SCFD2: variants seen among roughly 807,000 people sequenced by gnomAD.
The protein encoded by SCFD2 is sec1 family domain containing 2.
A neutral mutation model predicts 58.9 loss-of-function variants in SCFD2; 54 were observed. The observed-to-expected ratio is 0.92, with a 90% CI of 0.74 to 1.15. The LOEUF (loss-of-function observed/expected upper bound fraction) is 1.15. SCFD2 is among the 50% of genes most tolerant of loss of function. SCFD2 has a pLI of 0.00. For missense variants in SCFD2, 805 were observed against 836.6 expected (o/e 0.96, Z 0.47); for synonymous variants, 321 against 335.9 (o/e 0.96, Z 0.49).
At chr4:53,268,261 A>G (rs190041621) in intron 4 of SCFD2, among the ~76,000 whole-genome samples, 84 of 152,222 alleles carry the variant, frequency 5.5e-4, no homozygotes, top group Non-Finnish European at 1.0e-3. Context: ...TGGAAAGGGC[A>G]TCCACGTGGA....
intron 4 of SCFD2, among the ~76,000 whole-genome samples, chr4:53,179,152 C>G (rs1455469260): frequency 6.6e-6 from 1 of 152,086 alleles, no homozygotes; most frequent in Admixed American, 6.5e-5. Context: ...ACAGAAAACA[C>G]CACAAAGATA....
At chr4:53,095,406 A>G (rs1560332962) in intron 5 of SCFD2, among the ~76,000 whole-genome samples, 1 of 51,092 alleles carries the variant, frequency 2.0e-5, no homozygotes, top group Non-Finnish European at 7.1e-5. Context: ...CTAAGGCATA[A>G]TCTGCTATAT....
intron 4 of SCFD2, among the ~76,000 whole-genome samples, chr4:53,200,807 C>T (rs1238447877): frequency 6.6e-6 from 1 of 152,074 alleles, no homozygotes; most frequent in Non-Finnish European, 1.5e-5. Context: ...AAGACTCAAC[C>T]TCATGACACA....
chr4:53,015,680 C>A (rs1056930059), intron 5 of SCFD2, among the ~76,000 whole-genome samples: 4 of 152,090 alleles, frequency 2.6e-5, no homozygotes, highest in African/African-American at 9.7e-5. Context: ...GAAGCTTTGA[C>A]CATATGGCAT....
chr4:53,222,471 G>A (rs1306610274), intron 4 of SCFD2, among the ~76,000 whole-genome samples: 1 of 152,136 alleles, frequency 6.6e-6, no homozygotes, highest in Non-Finnish European at 1.5e-5. Flanking sequence ...AACATTAAGT[G>A]ATAAATATTT....
In SCFD2 at chr4:53,328,964, G is replaced by A. The variant is rs566265979; in HGVS notation, c.1008-15201C>T. Among the ~76,000 whole-genome samples, 85 of 152,320 alleles carry A rather than the reference G, an allele frequency of 5.6e-4. 2 individuals are homozygous for A. The South Asian group carries it at 0.014, about 25-fold the overall frequency. On this transcript the variant is annotated intron_variant, in intron 2 of 8. Transcript: ENST00000401642. The stretch of plus-strand genomic sequence containing the variant: ...CAAGGGGTCAGGGAGTTCCCTTTCC[G>A]AGTCAAAGAAAGGGGTGACGGACAC...
intron 4 of SCFD2, among the ~76,000 whole-genome samples, chr4:53,164,806 A>G (rs1300570345): frequency 2.0e-5 from 2 of 98,518 alleles, no homozygotes; most frequent in Non-Finnish European, 4.5e-5. Context: ...AAAAAAAAAA[A>G]GAAGAAGAAG....
chr4:53,124,449 C>A (rs1261190977), intron 5 of SCFD2, among the ~76,000 whole-genome samples: 1 of 151,956 alleles, frequency 6.6e-6, no homozygotes, highest in Non-Finnish European at 1.5e-5. Flanking sequence ...AAAATCAGTT[C>A]CAAATATGTA....
intron 5 of SCFD2, among the ~76,000 whole-genome samples, chr4:53,054,539 T>C (rs1723269496): frequency 6.6e-6 from 1 of 152,138 alleles, no homozygotes; most frequent in African/African-American, 2.4e-5. Flanking sequence ...AGAGGACATT[T>C]TAACTAATGT....
At chr4:52,935,359 G>C (rs907149285) in intron 5 of SCFD2, among the ~76,000 whole-genome samples, 2 of 152,134 alleles carry the variant, frequency 1.3e-5, no homozygotes, top group Admixed American at 1.3e-4. Context: ...ACAAAATTCT[G>C]TGTGGAGGCT....
intron 5 of SCFD2, among the ~76,000 whole-genome samples, chr4:53,078,034 T>C (rs1724033860): frequency 6.6e-6 from 1 of 152,200 alleles, no homozygotes; most frequent in Non-Finnish European, 1.5e-5. Flanking sequence ...GGAACCATCA[T>C]AAGACTTTGT....
At chr4:53,061,513 GA>G (rs1263176783) in intron 5 of SCFD2, among the ~76,000 whole-genome samples, 2 of 152,156 alleles carry the variant, frequency 1.3e-5, no homozygotes, top group Admixed American at 6.5e-5. Flanking sequence ...TTACTTGCCA[GA>G]AGGCACTTTA....
chr4:53,108,799 C>T (rs1041872338), intron 5 of SCFD2, among the ~76,000 whole-genome samples: 13 of 152,180 alleles, frequency 8.5e-5, no homozygotes, highest in African/African-American at 3.1e-4. Flanking sequence ...CAAAGAGGAG[C>T]TGGCACCATT....
chr4:53,255,875 C>T (rs1158169417), intron 4 of SCFD2, among the ~76,000 whole-genome samples: 1 of 141,846 alleles, frequency 7.0e-6, no homozygotes, highest in East Asian at 2.1e-4. Context: ...GACGGGGCGG[C>T]TGGCCGGGCA....
chr4:53,203,814 A>G (rs1161658766), intron 4 of SCFD2, among the ~76,000 whole-genome samples: 1 of 152,134 alleles, frequency 6.6e-6, no homozygotes, highest in Admixed American at 6.5e-5. Context: ...AAATTCTTCA[A>G]GAAGTAGTTG....
chr4:53,048,847 C>G (rs902176424), intron 5 of SCFD2, among the ~76,000 whole-genome samples: 3 of 152,146 alleles, frequency 2.0e-5, no homozygotes, highest in Non-Finnish European at 4.4e-5. Flanking sequence ...TCTGCCTCCC[C>G]ATTTCCTGTC....
At chr4:53,208,374 A>G (rs1728503889) in intron 4 of SCFD2, among the ~76,000 whole-genome samples, 1 of 152,170 alleles carries the variant, frequency 6.6e-6, no homozygotes, top group South Asian at 2.1e-4. Flanking sequence ...AGGTACATCA[A>G]CAATGATCTA....
At chr4:53,060,045 C>T (rs1333308394) in intron 5 of SCFD2, among the ~76,000 whole-genome samples, 1 of 152,112 alleles carries the variant, frequency 6.6e-6, no homozygotes, top group Non-Finnish European at 1.5e-5. Context: ...CATGTGCTTA[C>T]TACTGGGAAC....
At chr4:52,997,373 G>A (rs1721764029) in intron 5 of SCFD2, among the ~76,000 whole-genome samples, 2 of 152,170 alleles carry the variant, frequency 1.3e-5, no homozygotes, top group Non-Finnish European at 2.9e-5. Flanking sequence ...CTGGTGTTAG[G>A]GGCAACTGGA....
Sources: allele counts gnomAD v4.1 joint callset (sites outside exome capture counted in the v4.1 genomes callset), GRCh38; gene constraint gnomAD v4.1.1; transcripts MANE v1.5; gene names NCBI Gene and HGNC (gene_info 2026-07-23, HGNC 2026-07-21).